NFATC3: variants seen among roughly 807,000 people sequenced by gnomAD.
NFATC3 encodes the protein nuclear factor of activated T-cells, cytoplasmic 3.
NFATC3 carries 46 observed loss-of-function variants against 98.6 expected under a neutral mutation model. That is an observed-to-expected ratio of 0.47 (90% CI 0.37 to 0.60). The LOEUF is 0.60. Ranked by LOEUF, NFATC3 falls within the 20% of genes least tolerant of loss-of-function variation. NFATC3 has a pLI of 0.00. For missense variants in NFATC3, 1,256 were observed against 1,295.5 expected, an observed-to-expected ratio of 0.97 and a Z score of 0.47; for synonymous variants, 512 against 472.2, an observed-to-expected ratio of 1.08 and a Z score of -1.09.
chr16:68,089,633 A>T (rs980208688), intron 1 of NFATC3: 1 of 152,130 alleles, frequency 6.6e-6, no homozygotes, highest in Non-Finnish European at 1.5e-5. Context: ...TTTACTTAAT[A>T]TCTAGCTCTA....
chr16:68,101,867 TTCTC>T (rs1567497586), intron 1 of NFATC3, among the ~76,000 whole-genome samples: 1 of 152,172 alleles, frequency 6.6e-6, no homozygotes. Context: ...AGACTTTCCT[TTCTC>T]TCAGAGCCTT....
intron 2 of NFATC3, among the ~76,000 whole-genome samples, chr16:68,126,064 A>G (rs1567510700): frequency 6.6e-6 from 1 of 151,860 alleles, no homozygotes; most frequent in Non-Finnish European, 1.5e-5. Context: ...AGCTAATTTT[A>G]GTAGAGATGG....
At chr16:68,187,999 G>T (rs565452367) in intron 8 of NFATC3, among the ~76,000 whole-genome samples, 1 of 152,140 alleles carries the variant, frequency 6.6e-6, no homozygotes, top group African/African-American at 2.4e-5. Flanking sequence ...GGGCTGAGCT[G>T]CCCTCAGCCC....
intron 5 of NFATC3, among the ~76,000 whole-genome samples, chr16:68,167,621 C>CTAA (rs1288958077): frequency 2.0e-5 from 3 of 151,906 alleles, no homozygotes; most frequent in African/African-American, 7.3e-5. Context: ...AATACTTGAT[C>CTAA]TTTAGGACAT....
chr16:68,156,750 C>G (rs2151573646), intron 3 of NFATC3, among the ~76,000 whole-genome samples: 1 of 152,136 alleles, frequency 6.6e-6, no homozygotes, highest in South Asian at 2.1e-4. Flanking sequence ...ATCGCCCTGG[C>G]CAGCATGGTG....
In NFATC3 at chr16:68,166,885, A is replaced by G. The variant is rs1446017826; in HGVS notation, c.1644A>G (p.Ile548Met). Reference protein sequence around the residue: ...AGILKLRNSDIELRKGETDIG... With the variant: ...AGILKLRNSDMELRKGETDIG... ...TTTTGAAACTCCGCAATTCAGATAT[A>G]GAACTTCGAAAAGGAGAAACTGATA... Residue 548 changes from isoleucine to methionine, a missense_variant, in exon 5 of 10, where the codon ATA becomes ATG. Coordinates refer to ENST00000346183, the MANE Select transcript of NFATC3 (RefSeq NM_173165.3). 2 of 1,614,090 alleles carry G rather than the reference A, an allele frequency of 1.2e-6. No individual in the cohort carries two copies. Among genetic ancestry groups the G allele is most frequent in the South Asian group, 1.1e-5 (1 of 91,078 alleles).
rs368668355 is a variant in NFATC3 at position 68,186,570 on chromosome 16, A to C, written c.2098+3204A>C. On this transcript the variant is annotated intron_variant, in intron 8 of 9. Transcript: ENST00000346183. Reference sequence around the variant, plus strand: ...AAAAACAAAAACAAAACAACAACAAAAAAAACATTCAAATTCTCTTCTATT... The same window carrying C: ...AAAAACAAAAACAAAACAACAACAACAAAAACATTCAAATTCTCTTCTATT... Among the ~76,000 whole-genome samples the C allele has an allele frequency of 2.6e-5, 4 of 152,236 alleles. 1 individual carries two copies. Among genetic ancestry groups the C allele is most frequent in the African/African-American group, 7.2e-5 (3 of 41,554 alleles).
intron 9 of NFATC3, 113 bp from the exon 10 acceptor site, chr16:68,226,237 A>G: frequency 2.3e-6 from 3 of 1,318,274 alleles, no homozygotes; most frequent in East Asian, 2.8e-5. Flanking sequence ...CACTGCCTTT[A>G]TCTTTACAGA....
At chr16:68,153,857 C>T (rs1038492427) in intron 3 of NFATC3, among the ~76,000 whole-genome samples, 1 of 109,670 alleles carries the variant, frequency 9.1e-6, no homozygotes, top group Admixed American at 8.2e-5. Context: ...TCGTGATCTG[C>T]CTGCCTTGGC....
chr16:68,155,845 A>G (rs765188900), intron 3 of NFATC3, among the ~76,000 whole-genome samples: 2 of 152,304 alleles, frequency 1.3e-5, no homozygotes, highest in African/African-American at 2.4e-5. Flanking sequence ...TGTGGCCCAC[A>G]TTAAAGAGAG....
At chr16:68,157,031 A>G (rs2038653862) in intron 3 of NFATC3, among the ~76,000 whole-genome samples, 1 of 152,170 alleles carries the variant, frequency 6.6e-6, no homozygotes, top group Admixed American at 6.5e-5. Flanking sequence ...ATCATACTTA[A>G]TGGTTAAAGA....
chr16:68,123,734 T>C (rs545377062), intron 2 of NFATC3, among the ~76,000 whole-genome samples: 1 of 152,196 alleles, frequency 6.6e-6, no homozygotes, highest in South Asian at 2.1e-4. Context: ...GCGTGGTGTC[T>C]CATGCCTGTA....
intron 9 of NFATC3, chr16:68,217,906 G>GT: frequency 1.6e-6 from 2 of 1,225,828 alleles, no homozygotes; most frequent in Non-Finnish European, 2.0e-6. Context: ...AATATACTCT[G>GT]TAGCTGGGTG....
chr16:68,218,606 C>T (rs1457866498), intron 9 of NFATC3, among the ~76,000 whole-genome samples: 1 of 146,536 alleles, frequency 6.8e-6, no homozygotes, highest in African/African-American at 2.5e-5. Flanking sequence ...CAGAGTCTCA[C>T]TCTGTCACCC....
intron 3 of NFATC3, among the ~76,000 whole-genome samples, chr16:68,129,118 A>G (rs1157721563): frequency 6.6e-6 from 1 of 152,096 alleles, no homozygotes; most frequent in African/African-American, 2.4e-5. Flanking sequence ...AAAAATAGCC[A>G]AGTACAATAA....
chr16:68,221,507 T>G (rs947154697), intron 9 of NFATC3: 5 of 1,261,608 alleles, frequency 4.0e-6, no homozygotes, highest in African/African-American at 1.5e-5. Context: ...CCAAATTGTT[T>G]TAAAGATTCA....
chr16:68,194,318 C>T (rs2040569609), intron 9 of NFATC3, among the ~76,000 whole-genome samples: 1 of 152,172 alleles, frequency 6.6e-6, no homozygotes, highest in African/African-American at 2.4e-5. Flanking sequence ...AATGCATGTG[C>T]ACAATTTCAC....
chr16:68,137,391 C>T (rs1008586741), intron 3 of NFATC3, among the ~76,000 whole-genome samples: 14 of 152,200 alleles, frequency 9.2e-5, no homozygotes, highest in African/African-American at 3.4e-4. Context: ...TTTTTCAGCT[C>T]TGTTGTTACC....
chr16:68,104,247 C>T (rs1416865947), intron 1 of NFATC3, among the ~76,000 whole-genome samples: 1 of 152,000 alleles, frequency 6.6e-6, no homozygotes, highest in African/African-American at 2.4e-5. Flanking sequence ...TTTTTCATGT[C>T]CTTGGTTAAA....
Sources: gnomAD v4.1 joint callset for allele counts (sites outside exome capture counted in the v4.1 genomes callset) on GRCh38, gnomAD v4.1.1 for gene constraint, MANE v1.5 for transcripts, NCBI Gene and HGNC (gene_info 2026-07-23, HGNC 2026-07-21) for gene names.